Variants in CAND2 observed in about 807,000 individuals in gnomAD.
CAND2 encodes the protein cullin associated and neddylation dissociated 2 (putative).
A neutral mutation model predicts 98.9 loss-of-function variants in CAND2; 62 were observed. The observed-to-expected ratio is 0.63, with a 90% CI of 0.51 to 0.77. The LOEUF (loss-of-function observed/expected upper bound fraction) is 0.77, where lower values mean the gene tolerates loss of function less well. Ranked by LOEUF, CAND2 falls within the 30% of genes least tolerant of loss-of-function variation. The pLI, the probability that CAND2 is intolerant of heterozygous loss-of-function variation, is 0.00. For synonymous variants in CAND2, 770 were observed against 731.9 expected, an observed-to-expected ratio of 1.05 and a Z score of -0.84; for missense variants, 1,501 against 1,655.2, an observed-to-expected ratio of 0.91 and a Z score of 1.62.
intron 1 of CAND2, among the ~76,000 whole-genome samples, chr3:12,800,288 A>G (rs2061756415): frequency 6.6e-6 from 1 of 152,222 alleles, no homozygotes; most frequent in African/African-American, 2.4e-5. Context: ...CCCTGGTAAC[A>G]GGGCACTGTG....
chr3:12,813,160 G>C, intron 6 of CAND2, 65 bp downstream of exon 6: 1 of 1,578,966 alleles, frequency 6.3e-7, no homozygotes, highest in Non-Finnish European at 8.6e-7. Context: ...GCCCAAAGCA[G>C]TAAAATTTCA....
At position 12,803,485 on chromosome 3, in the gene CAND2, C is replaced by T; in HGVS notation, c.69-3C>T. 1 of 1,602,970 alleles carries T rather than the reference C, an allele frequency of 6.2e-7. No homozygotes were observed. ...AGCAATCTCCTCCACCCTCCCTGTGCAGGTTCATGGCCACCAGCGACCTGA... is the reference window on the plus strand; with the variant it reads ...AGCAATCTCCTCCACCCTCCCTGTGTAGGTTCATGGCCACCAGCGACCTGA... On this transcript the variant is annotated splice_polypyrimidine_tract_variant and splice_region_variant and intron_variant, in intron 1 of 14. Transcript: ENST00000456430.
At chr3:12,825,729 A>T in intron 12 of CAND2, 90 bp downstream of exon 12, 1 of 1,377,754 alleles carries the variant, frequency 7.3e-7, no homozygotes, top group South Asian at 1.3e-5. Context: ...TCATCAGAGC[A>T]GGTGCCGGGG....
rs1419177678 is a variant in CAND2 at position 12,825,574 on chromosome 3, C to G, written c.3145C>G (p.Leu1049Val). 6.2e-7 allele frequency: 1 copy of G among 1,611,268 alleles called. No homozygotes were observed. Among genetic ancestry groups the G allele is most frequent in the Non-Finnish European group, 8.5e-7 (1 of 1,178,980 alleles). The change falls in exon 12 of 15, where the codon CTG becomes GTG. Residue 1049 changes from leucine (L) to valine (V), a missense_variant. Coordinates refer to ENST00000456430, the MANE Select transcript of CAND2 (RefSeq NM_001162499.2). ...CAACAAGCCCTCGCTAGTCCGGGACCTGCTGGATGACATCCTGCCCCTCCT... is the reference window on the plus strand; with the variant it reads ...CAACAAGCCCTCGCTAGTCCGGGACGTGCTGGATGACATCCTGCCCCTCCT... The part of the protein sequence containing the change: ...VHNKPSLVRD[L>V]LDDILPLLYQ...
At position 12,807,371 on chromosome 3, in the gene CAND2, C is replaced by T; in HGVS notation, c.278C>T (p.Thr93Ile). The T allele has an allele frequency of 6.4e-7, 1 of 1,551,734 alleles. No homozygotes were observed. Among genetic ancestry groups the T allele is most frequent in the Non-Finnish European group, 8.7e-7 (1 of 1,146,988 alleles). ...QVETIVDTLCTNMRSDKEQLR... is the reference protein window; with the variant it reads ...QVETIVDTLCINMRSDKEQLR... The stretch of plus-strand genomic sequence containing the variant: ...GAGACCATTGTGGACACCCTGTGCA[C>T]CAACATGCGGTCAGACAAGGAGCAG... The change falls in exon 3 of 15, where the codon ACC becomes ATC. Residue 93 changes from threonine to isoleucine, a missense_variant. Coordinates refer to ENST00000456430, the MANE Select transcript of CAND2 (RefSeq NM_001162499.2).
rs74773293 is a variant in CAND2 at position 12,816,381 on chromosome 3, C to G, written c.1449C>G (p.Ile483Met). ...EHMPVLVSGI[I>M]FSLADRSSSS... Reference sequence around the variant, plus strand: ...TTTGCATTCACCCTGCAGGCATCATCTTCTCGCTGGCCGACCGCTCCAGCT... The same window carrying G: ...TTTGCATTCACCCTGCAGGCATCATGTTCTCGCTGGCCGACCGCTCCAGCT... Residue 483 changes from isoleucine (I) to methionine (M), a missense_variant, in exon 10 of 15, where the codon ATC (isoleucine) becomes ATG (methionine). Transcript: ENST00000456430. 834 of 1,610,148 alleles carry G rather than the reference C, an allele frequency of 5.2e-4. 17 individuals carry two copies. The East Asian group carries it at 0.015, about 30-fold the overall frequency.
intron 14 of CAND2, among the ~76,000 whole-genome samples, chr3:12,832,056 C>A (rs954162502): frequency 9.2e-5 from 14 of 152,184 alleles, no homozygotes; most frequent in African/African-American, 3.4e-4. Flanking sequence ...GCGTTGGGAG[C>A]AGAGCCTGGC....
chr3:12,812,221 C>CTTTTTTTTTTTTTTTTTTTTTTTTTTT (rs531439250), intron 5 of CAND2, among the ~76,000 whole-genome samples: 3 of 74,512 alleles, frequency 4.0e-5, no homozygotes, highest in African/African-American at 5.7e-5. Flanking sequence ...AGCTGTTTAT[C>CTTTTTTTTTTTTTTTTTTTTTTTTTTT]TTTTTTTTTT....
In CAND2 at chr3:12,815,892, A is replaced by T. The variant is rs1010747174; in HGVS notation, c.1325A>T (p.Gln442Leu). 1.2e-6 allele frequency: 2 copies of T among 1,613,632 alleles called. No homozygotes were observed. Among genetic ancestry groups the T allele is most frequent in the African/African-American group, 2.7e-5 (2 of 74,904 alleles). ...GTGCCCCTTGTGGTCAAGGCCCTGC[A>T]GCGGCAGCTTAAAGATCGGAGCGTC... ...GQVPLVVKALQRQLKDRSVRA... is the reference protein window; with the variant it reads ...GQVPLVVKALLRQLKDRSVRA... The change falls in exon 9 of 15, where the codon CAG becomes CTG. Residue 442 changes from glutamine to leucine, a missense_variant. By Grantham distance (113) the Gln-to-Leu change is moderately radical. Transcript: ENST00000456430. This position sits in a 1 kb window ranked among gnomAD's most constrained non-coding sequence, Gnocchi z 5.7.
In CAND2 at chr3:12,812,997, C is replaced by T; in HGVS notation, c.765C>T (p.His255=). The change falls in exon 6 of 15, where the codon CAC becomes CAT. Residue 255 remains histidine, a synonymous_variant. Coordinates refer to ENST00000456430, the MANE Select transcript of CAND2 (RefSeq NM_001162499.2). ...ATCCACCTGGCCCTGCAGGGGCTCA[C>T]CTGGACCGCCTGGTGCCCCTGGTGG... is the stretch of plus-strand genomic sequence containing the variant. ...GRQAGHRLGA[H]LDRLVPLVED... 2 of 1,570,032 alleles carry T rather than the reference C, an allele frequency of 1.3e-6. No homozygotes were observed. The highest frequency in any genetic ancestry group is 1.7e-6 in the Non-Finnish European group (2 of 1,157,892).
At chr3:12,806,731 T>C (rs2061808970) in intron 2 of CAND2, among the ~76,000 whole-genome samples, 1 of 152,198 alleles carries the variant, frequency 6.6e-6, no homozygotes, top group South Asian at 2.1e-4. Context: ...CCTGGGGACC[T>C]TGTGGCGCTA....
At chr3:12,818,313 G>C (rs961005785) in intron 10 of CAND2, among the ~76,000 whole-genome samples, 2 of 152,022 alleles carry the variant, frequency 1.3e-5, no homozygotes, top group African/African-American at 2.4e-5. Flanking sequence ...CATAATCCTT[G>C]ATGTGGACAG....
chr3:12,816,594 G>C lies in CAND2; in HGVS notation c.1662G>C (p.Pro554=), dbSNP rs113368650. The C allele has an allele frequency of 6.2e-7, 1 of 1,613,844 alleles. No individual in the cohort carries two copies. The highest frequency in any genetic ancestry group is 1.3e-5 in the African/African-American group (1 of 75,046). Residue 554 remains proline (P), a synonymous_variant, in exon 10 of 15, where the codon CCG becomes CCC. Coordinates refer to ENST00000456430, the MANE Select transcript of CAND2 (RefSeq NM_001162499.2). ...AGGAGCTGGTGCGGGCCCTGTGGCCGCTGCACAGGCCTCGGATGCTGGATC... is the reference window on the plus strand; with the variant it reads ...AGGAGCTGGTGCGGGCCCTGTGGCCCCTGCACAGGCCTCGGATGCTGGATC... ...VLQELVRALW[P]LHRPRMLDPE... is the part of the protein sequence containing the mutation.
chr3:12,827,213 G>A (rs1385397211), intron 12 of CAND2, among the ~76,000 whole-genome samples: 1 of 152,216 alleles, frequency 6.6e-6, no homozygotes, highest in Non-Finnish European at 1.5e-5. Context: ...CTGCCACTCA[G>A]ACAGTGCCTG....
intron 10 of CAND2, among the ~76,000 whole-genome samples, chr3:12,818,957 C>G (rs1200825110): frequency 1.3e-5 from 2 of 152,208 alleles, no homozygotes; most frequent in East Asian, 3.8e-4. Flanking sequence ...CTCACGTGCA[C>G]TGTTGAACCA....
At chr3:12,832,601 C>T (rs1217130726) in intron 14 of CAND2, 1 of 152,216 alleles carries the variant, frequency 6.6e-6, no homozygotes, top group African/African-American at 2.4e-5. Flanking sequence ...TGAAATCTAC[C>T]AAGCTCTGAC....
At chr3:12,818,571 A>C (rs2061928868) in intron 10 of CAND2, among the ~76,000 whole-genome samples, 1 of 152,150 alleles carries the variant, frequency 6.6e-6, no homozygotes, top group African/African-American at 2.4e-5. Context: ...GCAGACAGGT[A>C]GGGTCATCAG....
At chr3:12,823,511 A>G (rs559380338) in intron 11 of CAND2, among the ~76,000 whole-genome samples, 2 of 152,014 alleles carry the variant, frequency 1.3e-5, no homozygotes, top group South Asian at 2.1e-4. Flanking sequence ...GGCGGATCAC[A>G]AGGTCAGGAG....
chr3:12,826,643 G>A (rs1033005117), intron 12 of CAND2, among the ~76,000 whole-genome samples: 4 of 151,854 alleles, frequency 2.6e-5, no homozygotes, highest in Admixed American at 6.6e-5. Flanking sequence ...TTGCCCAGAC[G>A]TCTCAAATTC....
Sources: gnomAD v4.1 joint callset for allele counts (sites outside exome capture counted in the v4.1 genomes callset) on GRCh38, gnomAD v4.1.1 for gene constraint, Gnocchi (gnomAD v3.1) non-coding constraint, MANE v1.5 for transcripts, NCBI Gene and HGNC (gene_info 2026-07-23, HGNC 2026-07-21) for gene names.